The following PMPCB variants were observed in gnomAD, a reference collection of about 807,000 sequenced individuals.
PMPCB encodes mitochondrial-processing peptidase subunit beta.
Under a neutral mutation model 61.5 loss-of-function variants are expected in PMPCB, and 46 were observed. The observed-to-expected ratio is 0.75, with a 90% confidence interval of 0.59 to 0.96. The LOEUF is 0.96. Among genes scored for constraint, PMPCB ranks in the 40% least tolerant of loss-of-function variants. The pLI, the probability that PMPCB is intolerant of heterozygous loss-of-function variation, is 0.00. For synonymous variants in PMPCB, 191 were observed against 201.6 expected (o/e 0.95, Z 0.44); for missense variants, 590 against 602.4 (o/e 0.98, Z 0.22).
At chr7:103,343,918 A>T in the PMPCB span, among the ~76,000 whole-genome samples, 7 of 152,218 alleles carry the variant, frequency 4.6e-5, no homozygotes, top group Non-Finnish European at 1.0e-4. Context: ...GTGACTGGCT[A>T]TGGGAATTAC....
At chr7:103,346,451 A>T in the PMPCB span, among the ~76,000 whole-genome samples, 1 of 152,226 alleles carries the variant, frequency 6.6e-6, no homozygotes, top group African/African-American at 2.4e-5. Context: ...TTTTTTAAAA[A>T]AATTGTGCTA....
In PMPCB at chr7:103,312,420, GT is replaced by G. The variant is rs1817796071; in HGVS notation, c.*153del. On this transcript the variant is annotated 3_prime_UTR_variant, in exon 13 of 13. Coordinates refer to ENST00000249269, the MANE Select transcript of PMPCB (RefSeq NM_004279.3). ...TAAAAAGACTACCCCTCTGAAGGTT[GT>G]TTTGTATTAATGGTCAGTCTTTGTT... 1 of 1,508,788 alleles carries G rather than the reference GT, an allele frequency of 6.6e-7. No homozygotes were observed. The highest frequency in any genetic ancestry group is 2.3e-5 in the Admixed American group (1 of 43,872). The allele number at this position is 1,508,788 out of a possible 1,614,324, so 93.5% of individuals were successfully genotyped here.
At chr7:103,319,361 C>G (rs866874613), downstream of PMPCB, among the ~76,000 whole-genome samples, 23 of 151,670 alleles carry the variant, frequency 1.5e-4, no homozygotes, top group Admixed American at 3.3e-4. Context: ...CACTTGAACC[C>G]GGGAGGCGGA....
chr7:103,346,818 ATGTGTGTGTGTGTGTGTG>A, the PMPCB span, among the ~76,000 whole-genome samples: 2 of 150,074 alleles, frequency 1.3e-5, no homozygotes, highest in African/African-American at 4.9e-5. Flanking sequence ...AGGCTGAATA[ATGTGTGTGTGTGTGTGTG>A]TGTGTGTGTG....
intron 6 of PMPCB, 65 bp from the exon 7 acceptor site, chr7:103,307,531 A>C (rs1817622082): frequency 2.2e-6 from 2 of 914,976 alleles, no homozygotes; most frequent in Non-Finnish European, 3.6e-6. Flanking sequence ...ACATTATACC[A>C]CCTAGGGTTT....
chr7:103,310,809 C>T, intron 9 of PMPCB: 1 of 160,000 alleles, frequency 6.3e-6, no homozygotes, highest in Non-Finnish European at 1.3e-5. Flanking sequence ...TCCCGAATAG[C>T]TGGGATTACA....
intron 4 of PMPCB, among the ~76,000 whole-genome samples, chr7:103,302,588 A>G (rs2115642584): frequency 6.6e-6 from 1 of 152,328 alleles, no homozygotes; most frequent in South Asian, 2.1e-4. Context: ...TTGGTTTTAC[A>G]GATAATTTTT....
At chr7:103,343,302 A>G in the PMPCB span, among the ~76,000 whole-genome samples, 3 of 152,232 alleles carry the variant, frequency 2.0e-5, no homozygotes, top group Admixed American at 2.0e-4. Context: ...CACCCAGACA[A>G]CTCAAACTGT....
At chr7:103,325,449 G>GAAAAAAAAAAAAAAAAAAAAAAAAAAGAA (rs35877928) in intron 12 of PMPCB, among the ~76,000 whole-genome samples, 1 of 145,990 alleles carries the variant, frequency 6.8e-6, no homozygotes, top group Non-Finnish European at 1.5e-5. Flanking sequence ...AATAAAAAAG[G>GAAAAAAAAAAAAAAAAAAAAAAAAAAGAA]AAAAAAAAAA....
chr7:103,326,490 TA>T, intron 12 of PMPCB: 1 of 1,579,888 alleles, frequency 6.3e-7, no homozygotes, highest in Non-Finnish European at 8.7e-7. Context: ...CCTGGAAGAC[TA>T]CAATAAACAA....
At chr7:103,322,509 ACTTTTT>A in intron 12 of PMPCB, 1 of 1,470,302 alleles carries the variant, frequency 6.8e-7, no homozygotes, top group Admixed American at 2.1e-5. Context: ...ATGTTGTCTT[ACTTTTT>A]CTTTAGCTTC....
chr7:103,316,558 T>G, downstream of PMPCB: 1 of 395,694 alleles, frequency 2.5e-6, no homozygotes, highest in Non-Finnish European at 4.5e-6. Flanking sequence ...GAACAAGCCA[T>G]GACAGAGTAA....
chr7:103,321,541 A>T (rs994795679), intron 12 of PMPCB, among the ~76,000 whole-genome samples: 1 of 148,658 alleles, frequency 6.7e-6, no homozygotes, highest in Non-Finnish European at 1.5e-5. Context: ...AATAAAAATA[A>T]TTTTTTTTTT....
At chr7:103,316,193 G>A (rs773321475), downstream of PMPCB, 180 of 608,302 alleles carry the variant, frequency 3.0e-4, no homozygotes, top group Non-Finnish European at 4.2e-4. Flanking sequence ...AGTATGTACA[G>A]AATGAGCTCA....
intron 12 of PMPCB, among the ~76,000 whole-genome samples, chr7:103,328,180 C>T (rs566411333): frequency 2.7e-4 from 41 of 151,368 alleles, no homozygotes; most frequent in African/African-American, 9.7e-4. Context: ...CCTCGGCCTC[C>T]GAAAGTGCTG....
downstream of PMPCB, chr7:103,315,711 A>G (rs922397892): frequency 7.3e-6 from 9 of 1,230,502 alleles, no homozygotes; most frequent in African/African-American, 3.0e-5. Flanking sequence ...TGTACGTCCA[A>G]GCAGCACAGA....
chr7:103,323,469 T>G, intron 12 of PMPCB: 1 of 995,066 alleles, frequency 1.0e-6, no homozygotes, highest in Non-Finnish European at 1.4e-6. Context: ...TTCAAAATAT[T>G]AAAAAATTGT....
chr7:103,299,907 T>G (rs1489234550), intron 3 of PMPCB, among the ~76,000 whole-genome samples: 2 of 151,034 alleles, frequency 1.3e-5, no homozygotes, highest in Non-Finnish European at 3.0e-5. Context: ...TAGCTGGGAG[T>G]ATCTATATAT....
At chr7:103,299,384 T>C in intron 2 of PMPCB, 59 bp from the exon 3 acceptor site, 1 of 1,019,452 alleles carries the variant, frequency 9.8e-7, no homozygotes, top group Non-Finnish European at 1.5e-6. Context: ...AGGAGACTGT[T>C]CCCCCCAACC....
Sources: gnomAD v4.1 joint callset for allele counts (sites outside exome capture counted in the v4.1 genomes callset) on GRCh38, gnomAD v4.1.1 for gene constraint, MANE v1.5 for transcripts, NCBI Gene and HGNC (gene_info 2026-07-23, HGNC 2026-07-21) for gene names.